The following LHPP variants were observed in gnomAD, a reference collection of about 807,000 sequenced individuals.
The protein encoded by LHPP is phospholysine phosphohistidine inorganic pyrophosphate phosphatase.
Under a neutral mutation model 30.3 loss-of-function variants are expected in LHPP, and 24 were observed. The ratio of observed to expected loss-of-function variants is 0.79; its 90% CI spans 0.57 to 1.11. The LOEUF (loss-of-function observed/expected upper bound fraction) is 1.11, where lower values mean the gene tolerates loss of function less well. Among genes scored for constraint, LHPP ranks in the 50% most tolerant of loss-of-function variants. LHPP has a pLI of 0.00. For missense variants in LHPP, 356 were observed against 367.2 expected, an observed-to-expected ratio of 0.97 and a Z score of 0.25; for synonymous variants, 150 against 157.1, an observed-to-expected ratio of 0.95 and a Z score of 0.34.
Position 124,593,190 on chromosome 10 carries a change from T to C in LHPP, c.717-20074T>C, listed in dbSNP as rs2134003442. ...ATGCCCCCTGCCCTGGTCCCTGGATTGCAAGTCCAGACAGAAGAGAGCGTC... is the reference window on the plus strand; with the variant it reads ...ATGCCCCCTGCCCTGGTCCCTGGATCGCAAGTCCAGACAGAAGAGAGCGTC... On this transcript the variant is annotated intron_variant, in intron 6 of 6. Coordinates refer to ENST00000368842, the MANE Select transcript of LHPP (RefSeq NM_022126.4). The surrounding 1 kb of genome is among the most constrained non-coding windows in gnomAD (Gnocchi z 4.9). Among the ~76,000 whole-genome samples, 1 of 151,116 alleles carries C rather than the reference T, an allele frequency of 6.6e-6. No individual in the cohort carries two copies. The highest frequency in any genetic ancestry group is 1.5e-5 in the Non-Finnish European group (1 of 67,652).
At chr10:124,588,883 G>A (rs1177460476) in intron 6 of LHPP, among the ~76,000 whole-genome samples, 1 of 152,194 alleles carries the variant, frequency 6.6e-6, no homozygotes, top group African/African-American at 2.4e-5. Flanking sequence ...ATGTTGCACA[G>A]TGCCCTGGGA....
intron 6 of LHPP, among the ~76,000 whole-genome samples, chr10:124,546,973 G>A (rs778263207): frequency 9.2e-5 from 14 of 151,830 alleles, no homozygotes; most frequent in East Asian, 1.9e-4. Context: ...CTCTTAACCC[G>A]CCTCCCACCC....
intron 5 of LHPP, chr10:124,498,597 C>T (rs1953800147): frequency 1.2e-6 from 1 of 821,830 alleles, no homozygotes; most frequent in African/African-American, 1.7e-5. Context: ...ATTTTATTGT[C>T]TACACCTACC....
chr10:124,587,226 G>A (rs1415642894), intron 6 of LHPP, among the ~76,000 whole-genome samples: 1 of 151,640 alleles, frequency 6.6e-6, no homozygotes, highest in Non-Finnish European at 1.5e-5. Context: ...GTAGAGATGG[G>A]GTTTGGCCAT....
chr10:124,557,343 C>G (rs1305838101), intron 6 of LHPP, among the ~76,000 whole-genome samples: 1 of 152,202 alleles, frequency 6.6e-6, no homozygotes, highest in African/African-American at 2.4e-5. Flanking sequence ...TCGCCAGGGC[C>G]TGGCACTCAG....
chr10:124,547,194 G>A (rs1211182966), intron 6 of LHPP, among the ~76,000 whole-genome samples: 1 of 152,180 alleles, frequency 6.6e-6, no homozygotes, highest in African/African-American at 2.4e-5. Context: ...TGATGGCTGT[G>A]AGCTGTCGTG....
chr10:124,562,319 A>AAACC (rs151147811), intron 6 of LHPP, among the ~76,000 whole-genome samples: 3 of 151,874 alleles, frequency 2.0e-5, no homozygotes, highest in Non-Finnish European at 4.4e-5. Flanking sequence ...ACAAACAAAC[A>AAACC]AACAAACAAA....
intron 6 of LHPP, among the ~76,000 whole-genome samples, chr10:124,554,621 G>A (rs1948258494): frequency 6.6e-6 from 1 of 152,180 alleles, no homozygotes; most frequent in Admixed American, 6.5e-5. Context: ...CTCTATCATT[G>A]ACAGCCCTAG....
chr10:124,511,678 A>T (rs546880419), intron 5 of LHPP, among the ~76,000 whole-genome samples: 18 of 152,324 alleles, frequency 1.2e-4, no homozygotes, highest in Non-Finnish European at 2.1e-4. Flanking sequence ...CTCCGTTTTC[A>T]GCTGAAACTA....
chr10:124,535,839 G>A (rs1955010181), intron 6 of LHPP, among the ~76,000 whole-genome samples: 1 of 152,370 alleles, frequency 6.6e-6, no homozygotes, highest in Non-Finnish European at 1.5e-5. Context: ...AGGGCTGCAA[G>A]AGCAGCTGCT....
intron 6 of LHPP, among the ~76,000 whole-genome samples, chr10:124,573,670 G>A (rs1007894528): frequency 4.6e-5 from 7 of 152,138 alleles, no homozygotes; most frequent in Non-Finnish European, 1.0e-4. Context: ...ATTTGTTTAA[G>A]GTACAGTCCC....
intron 3 of LHPP, among the ~76,000 whole-genome samples, chr10:124,495,119 G>A (rs1055301902): frequency 1.3e-5 from 2 of 152,166 alleles, no homozygotes; most frequent in Non-Finnish European, 2.9e-5. Context: ...TGAAGTCTGC[G>A]TTTAAGACAT....
chr10:124,612,432 G>A (rs1430237644), intron 6 of LHPP, among the ~76,000 whole-genome samples: 1 of 152,020 alleles, frequency 6.6e-6, no homozygotes, highest in Non-Finnish European at 1.5e-5. Flanking sequence ...AAAAGGCTCT[G>A]GATGTCTCCA....
intron 6 of LHPP, among the ~76,000 whole-genome samples, chr10:124,527,718 AC>A (rs1353195476): frequency 6.6e-6 from 1 of 151,668 alleles, no homozygotes; most frequent in African/African-American, 2.4e-5. Flanking sequence ...TGGGTATGAG[AC>A]CCAGTCCCCT....
intron 6 of LHPP, among the ~76,000 whole-genome samples, chr10:124,603,268 T>C (rs2134013818): frequency 6.6e-6 from 1 of 152,230 alleles, no homozygotes; most frequent in Non-Finnish European, 1.5e-5. Flanking sequence ...GTGCACAGCT[T>C]TCTCATCCAC....
At position 124,596,796 on chromosome 10, in the gene LHPP, G is replaced by A. The variant is rs538180298; in HGVS notation, c.717-16468G>A. Reference sequence around the variant, plus strand: ...ATAAGCCCTGCCCTGCCACCATGATGGTGAATATGAGGTGTCAACCTGATT... The same window carrying A: ...ATAAGCCCTGCCCTGCCACCATGATAGTGAATATGAGGTGTCAACCTGATT... On this transcript the variant is annotated intron_variant, in intron 6 of 6. Transcript: ENST00000368842. The surrounding 1 kb of genome is among the most constrained non-coding windows in gnomAD (Gnocchi z 4.6). Among the ~76,000 whole-genome samples the A allele has an allele frequency of 1.3e-5, 2 of 152,316 alleles. No homozygotes were observed. Among genetic ancestry groups the A allele is most frequent in the East Asian group, 3.9e-4 (2 of 5,180 alleles).
chr10:124,532,358 A>G (rs577387582), intron 6 of LHPP, among the ~76,000 whole-genome samples: 201 of 152,320 alleles, frequency 1.3e-3, no homozygotes, highest in African/African-American at 4.3e-3. Context: ...AAAGATGCGC[A>G]TGGTATGCAG....
rs115985767 is a variant in LHPP at position 124,541,819 on chromosome 10, G to A, written c.716+24548G>A. Among the ~76,000 whole-genome samples the A allele has an allele frequency of 9.4e-3, 1,438 of 152,174 alleles. 28 individuals carry two copies. Among genetic ancestry groups the A allele is most frequent in the African/African-American group, 0.032 (1,315 of 41,538 alleles). ...GAGACCAGAGTGGAGTGGGCTGGGC[G>A]GGCCAGGCCCCGGCCCAGATGGGGT... On this transcript the variant is annotated intron_variant, in intron 6 of 6. Transcript: ENST00000368842. The surrounding 1 kb of genome is among the most constrained non-coding windows in gnomAD (Gnocchi z 4.2).
Position 124,552,717 on chromosome 10 carries a change from A to G in LHPP, c.716+35446A>G, listed in dbSNP as rs146481459. On this transcript the variant is annotated intron_variant, in intron 6 of 6. Transcript: ENST00000368842. ...AGACCATTTGAACCCCCTACCTCCA[A>G]ATTCCCCAAGGTCCCCGCCTGCAAA... Among the ~76,000 whole-genome samples the G allele has an allele frequency of 5.3e-4, 80 of 152,122 alleles. 1 individual carries two copies. In the East Asian group the frequency reaches 0.014, roughly 26 times the overall value.
Sources: allele counts gnomAD v4.1 joint callset (sites outside exome capture counted in the v4.1 genomes callset), GRCh38; gene constraint gnomAD v4.1.1; non-coding constraint Gnocchi (gnomAD v3.1); transcripts MANE v1.5; gene names NCBI Gene and HGNC (gene_info 2026-07-23, HGNC 2026-07-21).